Variants in SLAMF6 observed in about 807,000 individuals in gnomAD.
SLAMF6 encodes the protein SLAM family member 6.
In SLAMF6, 21 loss-of-function variants were observed where a neutral mutation model predicts 38.3. That is an observed-to-expected ratio of 0.55 (90% CI 0.39 to 0.79). The LOEUF is 0.79. Ranked by LOEUF, SLAMF6 falls within the 30% of genes least tolerant of loss-of-function variation. SLAMF6 has a pLI of 0.00. For missense variants in SLAMF6, 341 were observed against 385.3 expected (o/e 0.89, Z 0.96); for synonymous variants, 152 against 146.3 (o/e 1.04, Z -0.28).
At chr1:160,488,080 C>T (rs554439351) in intron 6 of SLAMF6, among the ~76,000 whole-genome samples, 169 of 145,702 alleles carry the variant, frequency 1.2e-3, no homozygotes, top group African/African-American at 4.1e-3. Flanking sequence ...GACAGAGTGA[C>T]ACTCTGTCTC....
chr1:160,521,292 T>A (rs887033843), intron 1 of SLAMF6, among the ~76,000 whole-genome samples: 2 of 152,146 alleles, frequency 1.3e-5, no homozygotes, highest in Non-Finnish European at 2.9e-5. Flanking sequence ...ATTTCCCCCA[T>A]AAATGTGGGG....
intron 3 of SLAMF6, 98 bp downstream of exon 3, chr1:160,491,027 C>T: frequency 1.4e-6 from 2 of 1,473,404 alleles, no homozygotes; most frequent in Non-Finnish European, 9.3e-7. Flanking sequence ...GCATTTTCTG[C>T]CTCCCACTGG....
intron 1 of SLAMF6, among the ~76,000 whole-genome samples, chr1:160,514,511 G>A (rs749294334): frequency 3.9e-5 from 6 of 152,144 alleles, no homozygotes; most frequent in Non-Finnish European, 7.4e-5. Flanking sequence ...GGACCTGATA[G>A]ACCTCTACAA....
chr1:160,505,938 T>C (rs925759180), intron 1 of SLAMF6, among the ~76,000 whole-genome samples: 5 of 152,116 alleles, frequency 3.3e-5, no homozygotes, highest in African/African-American at 1.2e-4. Flanking sequence ...AATTCAAAGC[T>C]AGGTCAATTG....
chr1:160,496,525 GA>G, intron 1 of SLAMF6, 132 bp from the exon 2 acceptor site: 2 of 839,252 alleles, frequency 2.4e-6, no homozygotes, highest in Admixed American at 5.3e-5. Context: ...GACAGAGTAG[GA>G]AAGGGTAGGA....
chr1:160,510,423 A>G (rs916687704), intron 1 of SLAMF6, among the ~76,000 whole-genome samples: 8 of 152,312 alleles, frequency 5.3e-5, no homozygotes, highest in Admixed American at 1.3e-4. Context: ...CAGCAATGCA[A>G]AAGTGGTTCA....
chr1:160,513,132 G>A (rs1352157414), intron 1 of SLAMF6, among the ~76,000 whole-genome samples: 1 of 152,090 alleles, frequency 6.6e-6, no homozygotes, highest in Non-Finnish European at 1.5e-5. Context: ...CATTACAGGA[G>A]CTATTCATCA....
intron 1 of SLAMF6, among the ~76,000 whole-genome samples, chr1:160,498,148 G>GT (rs149081202): frequency 0.027 from 4,055 of 147,702 alleles, 144 homozygotes; most frequent in African/African-American, 0.091. Context: ...CCTAGCACCT[G>GT]TTTTTTTTTT....
chr1:160,490,387 A>G (rs1557934170), intron 4 of SLAMF6, 151 bp from the exon 5 acceptor site: 1 of 1,367,930 alleles, frequency 7.3e-7, no homozygotes, highest in South Asian at 1.3e-5. Context: ...CCAGTAGGAC[A>G]TTTCTCTCAG....
intron 1 of SLAMF6, among the ~76,000 whole-genome samples, chr1:160,519,383 G>C (rs1438149263): frequency 6.6e-6 from 1 of 152,176 alleles, no homozygotes; most frequent in Non-Finnish European, 1.5e-5. Context: ...AAATGGTACA[G>C]CCATTGTGGA....
Position 160,489,010 on chromosome 1 carries a change from C to A in SLAMF6, c.879+78G>T, listed in dbSNP as rs1354398236. 7 of 1,345,280 alleles carry A rather than the reference C, an allele frequency of 5.2e-6. No homozygotes were observed. In the East Asian group the frequency reaches 1.6e-4, roughly 31 times the overall value. 83.3% of individuals were successfully genotyped at this position (1,345,280 alleles called of 1,614,324 possible). ...TCCCCTCAGTGGTCATTTGTTCAGT[C>A]AGATGGTTATGGTGACAAGTTTGTG... On this transcript the variant is annotated intron_variant, in intron 6 of 7. Coordinates refer to ENST00000368057, the MANE Select transcript of SLAMF6 (RefSeq NM_001184714.2).
At chr1:160,495,354 T>C (rs1442854417) in intron 2 of SLAMF6, among the ~76,000 whole-genome samples, 1 of 152,244 alleles carries the variant, frequency 6.6e-6, no homozygotes, top group Non-Finnish European at 1.5e-5. Flanking sequence ...TTTTCTGATA[T>C]TGACTCATAA....
chr1:160,490,168 T>A, intron 5 of SLAMF6, 30 bp downstream of exon 5: 1 of 1,611,270 alleles, frequency 6.2e-7, no homozygotes, highest in South Asian at 1.1e-5. Context: ...ATCTGCTTTA[T>A]GATGGAGAGT....
intron 1 of SLAMF6, among the ~76,000 whole-genome samples, chr1:160,522,351 C>T (rs1655021582): frequency 1.3e-5 from 2 of 152,174 alleles, no homozygotes; most frequent in South Asian, 4.1e-4. Flanking sequence ...AATAAGTGCT[C>T]AGTGAATGCT....
intron 1 of SLAMF6, among the ~76,000 whole-genome samples, chr1:160,520,326 C>T (rs909519258): frequency 2.6e-4 from 39 of 152,218 alleles, no homozygotes; most frequent in African/African-American, 8.9e-4. Flanking sequence ...TGCAAACACA[C>T]TCAAAGTTAG....
chr1:160,501,241 T>C lies in SLAMF6; in HGVS notation c.50-4848A>G, dbSNP rs564328404. 2.6e-5 allele frequency among the ~76,000 whole-genome samples: 4 copies of C among 152,330 alleles called. No homozygotes were observed. In the South Asian group the frequency reaches 8.3e-4, roughly 32 times the overall value. ...TAGACTGGAAACTGGGAATATAAGA[T>C]ACTGTCAGTCCTCTGGGTCCATCAT... On this transcript the variant is annotated intron_variant, in intron 1 of 7. Transcript: ENST00000368057.
rs1553224153 is a variant in SLAMF6, at chr1:160,490,251, C to A, written c.758-15G>T. The A allele has an allele frequency of 6.2e-7, 1 of 1,613,266 alleles. No individual in the cohort carries two copies. The highest frequency in any genetic ancestry group is 2.2e-5 in the East Asian group (1 of 44,870). On this transcript the variant is annotated splice_polypyrimidine_tract_variant and intron_variant, in intron 4 of 7. Transcript: ENST00000368057. ...AGATAGGGAATCTGAAAAATAAAACCAGAAAATTGAAATGTGTGACAGCAG... is the reference window on the plus strand; with the variant it reads ...AGATAGGGAATCTGAAAAATAAAACAAGAAAATTGAAATGTGTGACAGCAG...
At chr1:160,502,897 G>A (rs959515389) in intron 1 of SLAMF6, among the ~76,000 whole-genome samples, 1 of 149,598 alleles carries the variant, frequency 6.7e-6, no homozygotes, top group African/African-American at 2.6e-5. Context: ...ATATTGAGAA[G>A]GTAGGACAAA....
At chr1:160,489,606 AAACTT>A (rs1482093552) in intron 5 of SLAMF6, among the ~76,000 whole-genome samples, 1 of 152,194 alleles carries the variant, frequency 6.6e-6, no homozygotes, top group East Asian at 1.9e-4. Context: ...GAGGCTCAGA[AAACTT>A]AACTGACTTG....
Sources: allele counts gnomAD v4.1 joint callset (sites outside exome capture counted in the v4.1 genomes callset), GRCh38; gene constraint gnomAD v4.1.1; transcripts MANE v1.5; gene names NCBI Gene and HGNC (gene_info 2026-07-23, HGNC 2026-07-21).